TADA1: variants seen among roughly 807,000 people sequenced by gnomAD.
TADA1 encodes transcriptional adapter 1.
TADA1 carries 23 observed loss-of-function variants against 39.3 expected under a neutral mutation model. The observed-to-expected ratio is 0.58, with a 90% confidence interval of 0.42 to 0.83. The LOEUF (loss-of-function observed/expected upper bound fraction) is 0.83. Among genes scored for constraint, TADA1 ranks in the 40% least tolerant of loss-of-function variants. TADA1 has a pLI of 0.00. For synonymous variants in TADA1, 137 were observed against 151.8 expected, an observed-to-expected ratio of 0.90 and a Z score of 0.72; for missense variants, 352 against 408.1, an observed-to-expected ratio of 0.86 and a Z score of 1.18.
At chr1:166,866,175 C>T (rs1168059772) in intron 3 of TADA1, among the ~76,000 whole-genome samples, 3 of 152,222 alleles carry the variant, frequency 2.0e-5, no homozygotes, top group Admixed American at 6.5e-5. Context: ...GCTGCTGCTG[C>T]GTGGCCAAGC....
chr1:166,862,761 A>G (rs1164067019), intron 4 of TADA1: 1 of 277,320 alleles, frequency 3.6e-6, no homozygotes, highest in Non-Finnish European at 6.8e-6. Flanking sequence ...TTTTAAATCT[A>G]ACCGTAAGTA....
chr1:166,861,122 A>C (rs1658403095), intron 5 of TADA1, among the ~76,000 whole-genome samples: 1 of 152,192 alleles, frequency 6.6e-6, no homozygotes, highest in Non-Finnish European at 1.5e-5. Flanking sequence ...GCACAAAATA[A>C]ATTAGGTACT....
intron 1 of TADA1, among the ~76,000 whole-genome samples, chr1:166,872,460 T>A (rs1164747026): frequency 1.3e-5 from 2 of 151,594 alleles, no homozygotes. Context: ...TCACCTGAGG[T>A]CAGGAGTTTG....
chr1:166,860,396 C>T, intron 5 of TADA1, 59 bp from the exon 6 acceptor site: 4 of 1,511,616 alleles, frequency 2.6e-6, no homozygotes, highest in Non-Finnish European at 3.6e-6. Flanking sequence ...AATCATAAAA[C>T]TTCCACTGAC....
At chr1:166,858,010 A>G in intron 7 of TADA1, 109 bp downstream of exon 7, 1 of 1,392,896 alleles carries the variant, frequency 7.2e-7, no homozygotes, top group Admixed American at 2.2e-5. Flanking sequence ...GACAAAACTG[A>G]AAAACACAAA....
At chr1:166,862,119 C>A in intron 5 of TADA1, 84 bp downstream of exon 5, 3 of 1,325,688 alleles carry the variant, frequency 2.3e-6, no homozygotes, top group Non-Finnish European at 3.2e-6. Flanking sequence ...CATTTGGATT[C>A]TTTTCTTGCA....
At chr1:166,871,842 AT>A (rs1208035914) in intron 1 of TADA1, among the ~76,000 whole-genome samples, 11 of 152,336 alleles carry the variant, frequency 7.2e-5, no homozygotes, top group African/African-American at 1.9e-4. Context: ...AACAAAAAAA[AT>A]AAAATAAAAA....
chr1:166,862,681 T>C, intron 4 of TADA1: 1 of 481,406 alleles, frequency 2.1e-6, no homozygotes. Flanking sequence ...TCACAGAATG[T>C]ATGGCACTGT....
At position 166,857,452 on chromosome 1, in the gene TADA1, A is replaced by G. The variant is rs371804904; in HGVS notation, c.*115T>C. 2 of 1,204,066 alleles carry G rather than the reference A, an allele frequency of 1.7e-6. No homozygotes were observed. Among genetic ancestry groups the G allele is most frequent in the Non-Finnish European group, 1.2e-6 (1 of 861,838 alleles). The allele number at this position is 1,204,066 out of a possible 1,614,324, so 74.6% of individuals were successfully genotyped here. A position where few individuals can be genotyped will look rare whatever the true frequency, so the allele number is the denominator to read the frequency against. ...AAAATGTACTCAATGTCACATTTCC[A>G]TAGGAAAGGTTATATATACACTATA... On this transcript the variant is annotated 3_prime_UTR_variant, in exon 8 of 8. Coordinates refer to ENST00000367874, the MANE Select transcript of TADA1 (RefSeq NM_053053.4).
rs1442739259 is a variant in TADA1 at position 166,857,540 on chromosome 1, G to A, written c.*27C>T. ...ATTTTCAGTAATCAATGAATTCGGTGAGGGTCCCACACCCTCAAATCCTAA... is the reference window on the plus strand; with the variant it reads ...ATTTTCAGTAATCAATGAATTCGGTAAGGGTCCCACACCCTCAAATCCTAA... On this transcript the variant is annotated 3_prime_UTR_variant, in exon 8 of 8. Coordinates refer to ENST00000367874, the MANE Select transcript of TADA1 (RefSeq NM_053053.4). The A allele has an allele frequency of 3.1e-6, 5 of 1,607,418 alleles. No homozygotes were observed. Among genetic ancestry groups the A allele is most frequent in the Non-Finnish European group, 4.2e-6 (5 of 1,177,722 alleles).
At chr1:166,876,135 G>A (rs371449317) in intron 1 of TADA1, 25 bp downstream of exon 1, 166 of 1,603,704 alleles carry the variant, frequency 1.0e-4, no homozygotes, top group Non-Finnish European at 1.3e-4. Flanking sequence ...TGTTGGCCTG[G>A]ACGCTGTGCT....
intron 5 of TADA1, among the ~76,000 whole-genome samples, chr1:166,860,723 G>A (rs1369964914): frequency 6.6e-6 from 1 of 152,080 alleles, no homozygotes; most frequent in East Asian, 1.9e-4. Context: ...AGGCTGGAGT[G>A]CAATAGCACG....
At chr1:166,873,738 T>C (rs889138852) in intron 1 of TADA1, among the ~76,000 whole-genome samples, 4 of 152,218 alleles carry the variant, frequency 2.6e-5, no homozygotes, top group Admixed American at 1.3e-4. Flanking sequence ...TTTGATTGCA[T>C]TTTAGTGGGG....
rs905934962 is a variant in TADA1 at position 166,856,668 on chromosome 1, A to G, written c.*899T>C. 2.0e-5 allele frequency: 3 copies of G among 152,688 alleles called. No individual in the cohort carries two copies. Among genetic ancestry groups the G allele is most frequent in the Non-Finnish European group, 4.4e-5 (3 of 68,050 alleles). The allele number at this position is 152,688 out of a possible 1,614,324, so 9.5% of individuals were successfully genotyped here. On this transcript the variant is annotated 3_prime_UTR_variant, in exon 8 of 8. Coordinates refer to ENST00000367874, the MANE Select transcript of TADA1 (RefSeq NM_053053.4). ...TATCTATCAACACTATCCCTTAAGT[A>G]AAAAGCAACATATCTCTTAAGTAGG...
At chr1:166,872,000 T>C (rs1298076150) in intron 1 of TADA1, among the ~76,000 whole-genome samples, 7 of 152,202 alleles carry the variant, frequency 4.6e-5, no homozygotes, top group Non-Finnish European at 1.0e-4. Flanking sequence ...CGCAAACTAT[T>C]TTCTCCAGTG....
In TADA1 at chr1:166,857,031, A is replaced by C. The variant is rs1300185443; in HGVS notation, c.*536T>G. 1 of 152,528 alleles carries C rather than the reference A, an allele frequency of 6.6e-6. No individual in the cohort carries two copies. Among genetic ancestry groups the C allele is most frequent in the Non-Finnish European group, 1.5e-5 (1 of 68,318 alleles). 9.4% of individuals were successfully genotyped at this position (152,528 alleles called of 1,614,324 possible). A position where few individuals can be genotyped will look rare whatever the true frequency, so the allele number is the denominator to read the frequency against. ...TATTTCCTGTGGAGTTATAGTGATA[A>C]ATTTCTCAGGGGCTACCTATCGCTA... is the stretch of plus-strand genomic sequence containing the variant. On this transcript the variant is annotated 3_prime_UTR_variant, in exon 8 of 8. Coordinates refer to ENST00000367874, the MANE Select transcript of TADA1 (RefSeq NM_053053.4).
At chr1:166,873,785 T>C (rs1658706959) in intron 1 of TADA1, among the ~76,000 whole-genome samples, 1 of 152,182 alleles carries the variant, frequency 6.6e-6, no homozygotes, top group Admixed American at 6.5e-5. Context: ...AGCTTCAGCA[T>C]CAGTATTTGA....
rs141947404 is a variant in TADA1, at chr1:166,867,823, G to A, written c.232+1622C>T. Among the ~76,000 whole-genome samples, 215 of 151,704 alleles carry A rather than the reference G, an allele frequency of 1.4e-3. 2 individuals carry two copies. Among genetic ancestry groups the A allele is most frequent in the African/African-American group, 2.1e-3 (88 of 41,370 alleles). ...TCGAACTCCTGACCTCAAGTGACCC[G>A]CCCGCCTCAGCCTCCCAAAGTGCTG... On this transcript the variant is annotated intron_variant, in intron 3 of 7. Coordinates refer to ENST00000367874, the MANE Select transcript of TADA1 (RefSeq NM_053053.4).
At chr1:166,874,114 G>A (rs1423765215) in intron 1 of TADA1, among the ~76,000 whole-genome samples, 3 of 151,872 alleles carry the variant, frequency 2.0e-5, no homozygotes, top group African/African-American at 7.3e-5. Flanking sequence ...AGGCCAAGGC[G>A]GGTGGCTCAC....
Sources: allele counts gnomAD v4.1 joint callset (sites outside exome capture counted in the v4.1 genomes callset), GRCh38; gene constraint gnomAD v4.1.1; transcripts MANE v1.5; gene names NCBI Gene and HGNC (gene_info 2026-07-23, HGNC 2026-07-21).